PCDHGB4: variants seen among roughly 807,000 people sequenced by gnomAD.
The protein encoded by PCDHGB4 is protocadherin gamma-B4.
PCDHGB4 carries 38 observed loss-of-function variants against 60.5 expected under a neutral mutation model. The observed-to-expected ratio is 0.63, with a 90% CI of 0.48 to 0.82. The LOEUF (loss-of-function observed/expected upper bound fraction) is 0.82. PCDHGB4 is among the 40% of genes least tolerant of loss of function. The pLI is 0.00. For synonymous variants in PCDHGB4, 456 were observed against 509.7 expected, an observed-to-expected ratio of 0.89 and a Z score of 1.42; for missense variants, 1,109 against 1,209.6, an observed-to-expected ratio of 0.92 and a Z score of 1.23.
chr5:141,452,278 T>C (rs1047687328), intron 1 of PCDHGB4, among the ~76,000 whole-genome samples: 1 of 152,226 alleles, frequency 6.6e-6, no homozygotes, highest in African/African-American at 2.4e-5. Context: ...AACCCTTTCT[T>C]ACTTTCTGAT....
chr5:141,391,238 T>A (rs1388439892), intron 1 of PCDHGB4: 1 of 152,120 alleles, frequency 6.6e-6, no homozygotes, highest in Non-Finnish European at 1.5e-5. Flanking sequence ...TTGCTAGGTA[T>A]ATCTAAGCAA....
chr5:141,410,410 A>G, intron 1 of PCDHGB4: 1 of 1,613,986 alleles, frequency 6.2e-7, no homozygotes, highest in Non-Finnish European at 8.5e-7. Context: ...TCAAGTCTGG[A>G]CCTGTAGTTC....
intron 1 of PCDHGB4, chr5:141,427,995 G>T (rs1292989797): frequency 6.3e-7 from 1 of 1,599,590 alleles, no homozygotes; most frequent in Non-Finnish European, 8.6e-7. Flanking sequence ...CGATGGCTCC[G>T]CACTCTTCGA....
At chr5:141,408,428 A>C (rs1397543407) in intron 1 of PCDHGB4, 1 of 1,614,076 alleles carries the variant, frequency 6.2e-7, no homozygotes, top group South Asian at 1.1e-5. Flanking sequence ...GCTGCACTTC[A>C]GCGTAGACGC....
At chr5:141,421,034 C>G (rs2096540283) in intron 1 of PCDHGB4, 2 of 538,266 alleles carry the variant, frequency 3.7e-6, no homozygotes, top group Non-Finnish European at 6.4e-6. Context: ...CATTGAGTCC[C>G]TCCCTCCCCC....
Position 141,477,780 on chromosome 5 carries a change from T to C in PCDHGB4, c.2398-17027T>C. On this transcript the variant is annotated intron_variant, in intron 1 of 3. Coordinates refer to ENST00000519479, the MANE Select transcript of PCDHGB4 (RefSeq NM_003736.4). The surrounding 1 kb of genome is among the most constrained non-coding windows in gnomAD (Gnocchi z 4.9). ...CTAGCCACCAACATCAGCGTGAACA[T>C]ATTTGTCACTGATCGCAATGACAAT... 6.2e-7 allele frequency: 1 copy of C among 1,614,048 alleles called. No homozygotes were observed. Among genetic ancestry groups the C allele is most frequent in the Non-Finnish European group, 8.5e-7 (1 of 1,180,030 alleles).
At chr5:141,405,649 T>C (rs954605890) in intron 1 of PCDHGB4, 14 of 527,576 alleles carry the variant, frequency 2.7e-5, no homozygotes, top group Non-Finnish European at 6.7e-6. Flanking sequence ...TAATTTTTTG[T>C]GTGTTTTTAG....
chr5:141,429,651 C>G (rs62379161), intron 1 of PCDHGB4, among the ~76,000 whole-genome samples: 5,146 of 152,188 alleles, frequency 0.034, 101 homozygotes, highest in Middle Eastern at 0.088. Context: ...TATTTCTTCC[C>G]AATTTAAAAT....
In PCDHGB4 at chr5:141,476,575, C is replaced by A; in HGVS notation, c.2398-18232C>A. 6 of 1,614,232 alleles carry A rather than the reference C, an allele frequency of 3.7e-6. No homozygotes were observed. The highest frequency in any genetic ancestry group is 5.1e-6 in the Non-Finnish European group (6 of 1,180,042). The stretch of plus-strand genomic sequence containing the variant: ...GCGAGGCCGTGGCTCCGGGGACGCG[C>A]TTTCCGCTCGAGAGCGCGCACGATC... On this transcript the variant is annotated intron_variant, in intron 1 of 3. Transcript: ENST00000519479. This position sits in a 1 kb window ranked among gnomAD's most constrained non-coding sequence, Gnocchi z 7.6.
chr5:141,479,574 T>A (rs1291334449), intron 1 of PCDHGB4: 1 of 152,228 alleles, frequency 6.6e-6, no homozygotes, highest in South Asian at 2.1e-4. Context: ...GGATGACATC[T>A]GTGAATAGCC....
chr5:141,441,359 G>T (rs932747576), intron 1 of PCDHGB4: 1 of 152,522 alleles, frequency 6.6e-6, no homozygotes, highest in Non-Finnish European at 1.5e-5. Flanking sequence ...TGTAACAAAT[G>T]GGGCCGTGGA....
rs535002528 is a variant in PCDHGB4 at position 141,396,788 on chromosome 5, T to C, written c.2397+6507T>C. On this transcript the variant is annotated intron_variant, in intron 1 of 3. Transcript: ENST00000519479. ...GTTTGTTATTAATGAAAAGGACATT[T>C]CCTAAGGATTGTGTAGTGTTCTACT... Among the ~76,000 whole-genome samples, 53 of 152,322 alleles carry C rather than the reference T, an allele frequency of 3.5e-4. 2 individuals are homozygous for C. Among genetic ancestry groups the C allele is most frequent in the Admixed American group, 3.3e-3 (50 of 15,300 alleles).
chr5:141,488,690 G>A (rs1292736219), intron 1 of PCDHGB4, among the ~76,000 whole-genome samples: 1 of 152,186 alleles, frequency 6.6e-6, no homozygotes, highest in African/African-American at 2.4e-5. Flanking sequence ...TCTCCCAGAA[G>A]GACAAGATTT....
At chr5:141,481,811 G>T (rs1050821120) in intron 1 of PCDHGB4, among the ~76,000 whole-genome samples, 3 of 151,892 alleles carry the variant, frequency 2.0e-5, no homozygotes, top group Admixed American at 1.3e-4. Flanking sequence ...AATTCACCAG[G>T]CGTGGTGGCT....
Position 141,398,413 on chromosome 5 carries a change from T to C in PCDHGB4, c.2397+8132T>C, listed in dbSNP as rs774602022. On this transcript the variant is annotated intron_variant, in intron 1 of 3. Transcript: ENST00000519479. ...CAGCAGGCTAGACAGGGAGGAGATA[T>C]GCGGGAAGAAGCCAGCTTGTGCTCT... 7.0e-5 allele frequency: 104 copies of C among 1,490,692 alleles called. 1 individual carries two copies. Among genetic ancestry groups the C allele is most frequent in the Middle Eastern group, 6.1e-4 (3 of 4,950 alleles). The allele number at this position is 1,490,692 out of a possible 1,614,324, so 92.3% of individuals were successfully genotyped here.
At chr5:141,481,838 T>G (rs1297962011) in intron 1 of PCDHGB4, among the ~76,000 whole-genome samples, 2 of 150,868 alleles carry the variant, frequency 1.3e-5, no homozygotes, top group African/African-American at 4.9e-5. Flanking sequence ...GGAGAATCGC[T>G]TGATGGTGGA....
At chr5:141,412,385 AT>A (rs1277702119) in intron 1 of PCDHGB4, 2 of 152,236 alleles carry the variant, frequency 1.3e-5, no homozygotes, top group Admixed American at 1.3e-4. Flanking sequence ...AAATAGGTCC[AT>A]TTAACTTGTA....
Position 141,389,172 on chromosome 5 carries a change from C to T in PCDHGB4, c.1288C>T (p.Leu430Phe). The T allele has an allele frequency of 3.1e-6, 5 of 1,614,036 alleles. No individual in the cohort carries two copies. The highest frequency in any genetic ancestry group is 4.2e-6 in the Non-Finnish European group (5 of 1,179,894). The change falls in exon 1 of 4, where the codon CTC becomes TTC. Residue 430 changes from leucine to phenylalanine, a missense_variant. This residue lies in a region of PCDHGB4 where 1,068 missense variants were observed against 1,089.9 expected (regional missense o/e 0.98). Coordinates refer to ENST00000519479, the MANE Select transcript of PCDHGB4 (RefSeq NM_003736.4). The part of the protein sequence containing the change: ...VTATDRGKPP[L>F]SSSSSITLHI... ...GGCAACAGATCGGGGCAAGCCTCCCCTCTCCTCCAGTTCCAGCATCACCCT... is the reference window on the plus strand; with the variant it reads ...GGCAACAGATCGGGGCAAGCCTCCCTTCTCCTCCAGTTCCAGCATCACCCT...
chr5:141,462,872 AG>A (rs1254807813), intron 1 of PCDHGB4, among the ~76,000 whole-genome samples: 54 of 152,272 alleles, frequency 3.5e-4, no homozygotes, highest in Middle Eastern at 6.8e-3. Flanking sequence ...TCTTTCTTTA[AG>A]AACTATTGCA....
Sources: gnomAD v4.1 joint callset for allele counts (sites outside exome capture counted in the v4.1 genomes callset) on GRCh38, gnomAD v4.1.1 for gene constraint, gnomAD v4.1.1 regional missense constraint, Gnocchi (gnomAD v3.1) non-coding constraint, MANE v1.5 for transcripts, NCBI Gene and HGNC (gene_info 2026-07-23, HGNC 2026-07-21) for gene names.